Variants in MBTPS1 observed in about 807,000 individuals in gnomAD.
MBTPS1 encodes the protein membrane-bound transcription factor site-1 protease.
A neutral mutation model predicts 127.8 loss-of-function variants in MBTPS1; 94 were observed. The observed-to-expected ratio is 0.74, with a 90% confidence interval of 0.62 to 0.87. The LOEUF is 0.87. Among genes scored for constraint, MBTPS1 ranks in the 40% least tolerant of loss-of-function variants. MBTPS1 has a pLI of 0.00. For synonymous variants in MBTPS1, 632 were observed against 509.4 expected (o/e 1.24, Z -3.24); for missense variants, 1,636 against 1,353.2 (o/e 1.21, Z -3.28).
chr16:84,064,587 C>T (rs2085655216), intron 18 of MBTPS1, among the ~76,000 whole-genome samples: 2 of 152,138 alleles, frequency 1.3e-5, no homozygotes, highest in South Asian at 4.2e-4. Context: ...TCTCCCCACC[C>T]ACCTACCAAA....
intron 11 of MBTPS1, among the ~76,000 whole-genome samples, chr16:84,076,734 G>T (rs562683930): frequency 6.6e-5 from 10 of 152,242 alleles, no homozygotes; most frequent in African/African-American, 2.4e-4. Flanking sequence ...GAAGACAACT[G>T]TAAAACCTCC....
chr16:84,085,173 T>A, intron 9 of MBTPS1, 39 bp from the exon 10 acceptor site: 3 of 1,605,252 alleles, frequency 1.9e-6, no homozygotes, highest in Non-Finnish European at 2.6e-6. Context: ...ATCTCGCACA[T>A]TGGCATACAG....
At position 84,054,245 on chromosome 16, in the gene MBTPS1, TC is replaced by T. The variant is rs1293518894; in HGVS notation, c.*203del. 2.4e-6 allele frequency: 1 copy of T among 423,598 alleles called. No individual in the cohort carries two copies. Among genetic ancestry groups the T allele is most frequent in the African/African-American group, 2.0e-5 (1 of 48,968 alleles). The allele number at this position is 423,598 out of a possible 1,614,324, so 26.2% of individuals were successfully genotyped here. On this transcript the variant is annotated 3_prime_UTR_variant, in exon 23 of 23. Transcript: ENST00000343411. ...ACTGGCGGCAGAGCCACTAAGTCCC[TC>T]CTGACGGGATCCACAGGAATCTTCT... is the stretch of plus-strand genomic sequence containing the variant.
chr16:84,082,592 T>C (rs1190124297), intron 10 of MBTPS1, among the ~76,000 whole-genome samples: 1 of 152,144 alleles, frequency 6.6e-6, no homozygotes, highest in Non-Finnish European at 1.5e-5. Flanking sequence ...TTATGTATTA[T>C]AAATACAAGT....
chr16:84,110,051 T>C (rs2086378219), intron 1 of MBTPS1, among the ~76,000 whole-genome samples: 1 of 152,346 alleles, frequency 6.6e-6, no homozygotes, highest in East Asian at 1.9e-4. Context: ...AAATAAGTTC[T>C]TTATTTACCC....
In MBTPS1 at chr16:84,059,291, C is replaced by T. The variant is rs150333081; in HGVS notation, c.2831+11G>A. 4.1e-3 allele frequency: 6,540 copies of T among 1,611,476 alleles called. 27 individuals carry two copies. Among genetic ancestry groups the T allele is most frequent in the South Asian group, 0.012 (1,121 of 90,954 alleles). ...CGTGGAAAGAGTGGAAGGGCACAGG[C>T]GGACACTAACCTGGGCGCCGTCTCG... On this transcript the variant is annotated intron_variant, in intron 21 of 22. Transcript: ENST00000343411.
In MBTPS1 at chr16:84,054,688, G is replaced by A. The variant is rs776979804; in HGVS notation, c.2963-43C>T. On this transcript the variant is annotated intron_variant, in intron 22 of 22. Transcript: ENST00000343411. ...GTTGAACAGGCAGGAACGCCACAGA[G>A]CTACCATGACGGCCTTTTTCTATGA... The A allele has an allele frequency of 1.3e-5, 19 of 1,460,646 alleles. No homozygotes were observed. In the East Asian group the frequency reaches 2.9e-4, roughly 22 times the overall value. The allele number at this position is 1,460,646 out of a possible 1,614,324, so 90.5% of individuals were successfully genotyped here.
chr16:84,063,470 C>T (rs200166892), intron 18 of MBTPS1, 25 bp from the exon 19 acceptor site: 353 of 1,609,744 alleles, frequency 2.2e-4, no homozygotes, highest in Non-Finnish European at 2.8e-4. Context: ...CAAAAAACAA[C>T]AGCCATGAGA....
intron 12 of MBTPS1, chr16:84,071,795 G>C (rs574954348): frequency 6.6e-6 from 1 of 152,190 alleles, no homozygotes; most frequent in South Asian, 2.1e-4. Context: ...AAAGGGAAAA[G>C]AGCATCACCT....
At chr16:84,071,146 G>A (rs964100856) in intron 12 of MBTPS1, among the ~76,000 whole-genome samples, 7 of 152,138 alleles carry the variant, frequency 4.6e-5, no homozygotes, top group African/African-American at 1.7e-4. Context: ...TTAGTTGTAT[G>A]CTTTAAAAAA....
chr16:84,063,091 A>C (rs2085637198), intron 19 of MBTPS1, among the ~76,000 whole-genome samples: 1 of 152,238 alleles, frequency 6.6e-6, no homozygotes, highest in African/African-American at 2.4e-5. Context: ...TGGCCCCAAC[A>C]AGTAGCTTTG....
chr16:84,085,902 T>A (rs1403211492), intron 9 of MBTPS1: 4 of 151,942 alleles, frequency 2.6e-5, no homozygotes, highest in Non-Finnish European at 2.9e-5. Flanking sequence ...GTACACGGTA[T>A]GAGTGGATGT....
At chr16:84,056,310 T>G (rs148761916) in intron 21 of MBTPS1, 175 bp from the exon 22 acceptor site, 4 of 558,990 alleles carry the variant, frequency 7.2e-6, no homozygotes, top group Non-Finnish European at 1.3e-5. Context: ...GGTGGCCGTT[T>G]CCACGTCCCG....
chr16:84,080,396 G>A (rs558527187), intron 11 of MBTPS1, among the ~76,000 whole-genome samples: 1 of 152,224 alleles, frequency 6.6e-6, no homozygotes, highest in African/African-American at 2.4e-5. Flanking sequence ...AGTATGTGAC[G>A]AAACAAGGCC....
Position 84,090,920 on chromosome 16 carries a change from T to C in MBTPS1, c.986A>G (p.Asn329Ser), listed in dbSNP as rs531438774. ...VDKVWELTAN[N>S]VIMVSAIGND... ...GCCAATAGCAGAAACCATGATTACA[T>C]TGTTAGCTGTTAATTCCCACACCTA... Residue 329 changes from asparagine (N) to serine (S), a missense_variant, in exon 8 of 23, where the codon AAT (asparagine) becomes AGT (serine). Physicochemically the swap from Asn to Ser is conservative, Grantham distance 46. Coordinates refer to ENST00000343411, the MANE Select transcript of MBTPS1 (RefSeq NM_003791.4). The C allele has an allele frequency of 4.3e-5, 69 of 1,613,244 alleles. 1 individual carries two copies. Among genetic ancestry groups the C allele is most frequent in the East Asian group, 4.2e-4 (19 of 44,858 alleles).
At chr16:84,054,691 A>C (rs759743893) in intron 22 of MBTPS1, 46 bp from the exon 23 acceptor site, 1 of 1,430,706 alleles carries the variant, frequency 7.0e-7, no homozygotes, top group Non-Finnish European at 9.4e-7. Flanking sequence ...CCACAGAGCT[A>C]CCATGACGGC....
At chr16:84,088,062 T>A (rs2086056084) in intron 8 of MBTPS1, among the ~76,000 whole-genome samples, 1 of 152,138 alleles carries the variant, frequency 6.6e-6, no homozygotes, top group South Asian at 2.1e-4. Flanking sequence ...ATACCTTAAG[T>A]GCACTAGATC....
chr16:84,093,471 G>A (rs953967088), intron 5 of MBTPS1, among the ~76,000 whole-genome samples, 174 bp from the exon 6 acceptor site: 6 of 152,098 alleles, frequency 3.9e-5, no homozygotes, highest in Non-Finnish European at 7.4e-5. Flanking sequence ...ACCCCTTCCA[G>A]GTCTAGCCAC....
Position 84,065,757 on chromosome 16 carries a change from C to T in MBTPS1, c.2364G>A (p.Ala788=), listed in dbSNP as rs772141461. ...FTLANHDMYY[A]SGCSIAKFPE... The stretch of plus-strand genomic sequence containing the variant: ...GAAACTTCGCGATGCTGCACCCTGA[C>T]GCATAATACACTAGGAAAGAGTGTT... The change falls in exon 18 of 23, where the codon GCG becomes GCA. Residue 788 remains alanine, a synonymous_variant. Coordinates refer to ENST00000343411, the MANE Select transcript of MBTPS1 (RefSeq NM_003791.4). The T allele has an allele frequency of 2.7e-5, 43 of 1,599,232 alleles. No individual in the cohort carries two copies. The highest frequency in any genetic ancestry group is 1.7e-4 in the Middle Eastern group (1 of 6,030).
Sources: gnomAD v4.1 joint callset for allele counts (sites outside exome capture counted in the v4.1 genomes callset) on GRCh38, gnomAD v4.1.1 for gene constraint, MANE v1.5 for transcripts, NCBI Gene and HGNC (gene_info 2026-07-23, HGNC 2026-07-21) for gene names.